TECRL: variants seen among roughly 807,000 people sequenced by gnomAD.
TECRL encodes trans-2,3-enoyl-CoA reductase like.
Under a neutral mutation model 52.8 loss-of-function variants are expected in TECRL, and 63 were observed. The ratio of observed to expected loss-of-function variants is 1.19; its 90% confidence interval spans 0.97 to 1.47. The LOEUF is 1.47. Ranked by LOEUF, TECRL falls within the 40% of genes most tolerant of loss-of-function variation. TECRL has a pLI of 0.00. For missense variants in TECRL, 482 were observed against 429.6 expected (o/e 1.12, Z -1.08); for synonymous variants, 164 against 141.9 (o/e 1.16, Z -1.10).
chr4:64,380,170 A>T (rs573870941), intron 1 of TECRL, among the ~76,000 whole-genome samples: 5 of 151,988 alleles, frequency 3.3e-5, no homozygotes, highest in Non-Finnish European at 7.4e-5. Context: ...ACTTTGTTAT[A>T]TATCTGTTGG....
At chr4:64,333,325 G>A (rs1718782334) in intron 2 of TECRL, among the ~76,000 whole-genome samples, 1 of 152,048 alleles carries the variant, frequency 6.6e-6, no homozygotes, top group Non-Finnish European at 1.5e-5. Context: ...ATAAGGACAA[G>A]TTTAATTTGA....
At chr4:64,338,748 A>G (rs192579798) in intron 2 of TECRL, among the ~76,000 whole-genome samples, 3 of 152,332 alleles carry the variant, frequency 2.0e-5, no homozygotes, top group Admixed American at 2.0e-4. Context: ...ATCTCACACC[A>G]GTTAGAATGG....
intron 2 of TECRL, among the ~76,000 whole-genome samples, chr4:64,334,082 T>A (rs17084659): frequency 0.014 from 2,034 of 149,012 alleles, 79 homozygotes; most frequent in African/African-American, 0.047. Flanking sequence ...TAAATTGCAT[T>A]GTCACTTTGA....
chr4:64,378,647 TA>T (rs1467071835), intron 1 of TECRL, among the ~76,000 whole-genome samples: 1 of 152,124 alleles, frequency 6.6e-6, no homozygotes, highest in Non-Finnish European at 1.5e-5. Flanking sequence ...GTAGATAATC[TA>T]TAGAAAATAA....
intron 2 of TECRL, among the ~76,000 whole-genome samples, chr4:64,348,271 A>G (rs1381307824): frequency 6.6e-6 from 1 of 152,202 alleles, no homozygotes; most frequent in Non-Finnish European, 1.5e-5. Context: ...AGAGAAAAAT[A>G]AAGCACAGAG....
intron 2 of TECRL, among the ~76,000 whole-genome samples, chr4:64,332,508 C>A (rs139660666): frequency 1.3e-5 from 2 of 151,698 alleles, no homozygotes; most frequent in African/African-American, 4.8e-5. Context: ...TAAAATAGAA[C>A]GAAGAATGCT....
chr4:64,295,359 T>G (rs11131523), intron 8 of TECRL, among the ~76,000 whole-genome samples: 101,128 of 144,830 alleles, frequency 0.7, 35,089 homozygotes, highest in Non-Finnish European at 0.77. Context: ...TGCAAAAATT[T>G]TGATATAGGA....
At chr4:64,387,442 G>C (rs1304676150) in intron 1 of TECRL, among the ~76,000 whole-genome samples, 1 of 152,112 alleles carries the variant, frequency 6.6e-6, no homozygotes, top group East Asian at 1.9e-4. Flanking sequence ...CATGACTGCT[G>C]TACTGTATGG....
At chr4:64,404,941 A>G (rs894739375) in intron 1 of TECRL, among the ~76,000 whole-genome samples, 31 of 152,102 alleles carry the variant, frequency 2.0e-4, no homozygotes, top group Non-Finnish European at 3.4e-4. Flanking sequence ...GCACTTATTC[A>G]ACACATATTG....
intron 8 of TECRL, among the ~76,000 whole-genome samples, chr4:64,291,952 T>G (rs956628983): frequency 6.6e-6 from 1 of 151,990 alleles, no homozygotes; most frequent in Non-Finnish European, 1.5e-5. Context: ...AAATATTAAT[T>G]TGGCAACTTC....
At chr4:64,389,095 C>T (rs1345241292) in intron 1 of TECRL, among the ~76,000 whole-genome samples, 1 of 151,786 alleles carries the variant, frequency 6.6e-6, no homozygotes, top group Non-Finnish European at 1.5e-5. Context: ...TTTTCCTTGC[C>T]TATCTGTAAA....
At chr4:64,389,085 T>C (rs1332425158) in intron 1 of TECRL, among the ~76,000 whole-genome samples, 2 of 151,898 alleles carry the variant, frequency 1.3e-5, no homozygotes, top group Admixed American at 1.3e-4. Flanking sequence ...GACTTTTAAT[T>C]TTTCCTTGCC....
intron 4 of TECRL, among the ~76,000 whole-genome samples, chr4:64,321,657 G>A (rs1444068098): frequency 2.0e-5 from 3 of 151,952 alleles, no homozygotes; most frequent in African/African-American, 7.3e-5. Context: ...TTACCCATGA[G>A]TGTTTCAATA....
At chr4:64,388,026 A>G (rs1306806853) in intron 1 of TECRL, among the ~76,000 whole-genome samples, 1 of 151,666 alleles carries the variant, frequency 6.6e-6, no homozygotes, top group Non-Finnish European at 1.5e-5. Context: ...AGAAATTTTA[A>G]TTTTAATGAA....
chr4:64,315,321 T>C (rs1313964400), intron 4 of TECRL, among the ~76,000 whole-genome samples: 1 of 152,076 alleles, frequency 6.6e-6, no homozygotes, highest in Non-Finnish European at 1.5e-5. Context: ...AACTTTTGAG[T>C]GCTTGAGCTG....
chr4:64,381,936 G>C (rs1369675984), intron 1 of TECRL, among the ~76,000 whole-genome samples: 1 of 151,726 alleles, frequency 6.6e-6, no homozygotes, highest in East Asian at 1.9e-4. Context: ...TTGGTTTCAG[G>C]ATAAAGCTGG....
At chr4:64,356,748 G>A (rs1253356211) in intron 2 of TECRL, among the ~76,000 whole-genome samples, 1 of 152,152 alleles carries the variant, frequency 6.6e-6, no homozygotes, top group African/African-American at 2.4e-5. Context: ...ATGCTAGGTG[G>A]CGGTCCTCTG....
chr4:64,335,912 G>T (rs571081897), intron 2 of TECRL, among the ~76,000 whole-genome samples: 3 of 152,224 alleles, frequency 2.0e-5, no homozygotes, highest in Non-Finnish European at 4.4e-5. Context: ...GCTGGATTCG[G>T]TTTGCCAGTA....
intron 2 of TECRL, among the ~76,000 whole-genome samples, chr4:64,360,158 T>G (rs1721074940): frequency 6.6e-6 from 1 of 152,182 alleles, no homozygotes; most frequent in South Asian, 2.1e-4. Context: ...ATATTTGAAA[T>G]GTAGATTCCT....
Sources: allele counts gnomAD v4.1 joint callset (sites outside exome capture counted in the v4.1 genomes callset), GRCh38; gene constraint gnomAD v4.1.1; transcripts MANE v1.5; gene names NCBI Gene and HGNC (gene_info 2026-07-23, HGNC 2026-07-21).